Variants in MAP4K2 observed in about 807,000 individuals in gnomAD.
The protein encoded by MAP4K2 is B lymphocyte serine/threonine protein kinase.
In MAP4K2, 85 loss-of-function variants were observed where a neutral mutation model predicts 125.3. The ratio of observed to expected loss-of-function variants is 0.68; its 90% CI spans 0.57 to 0.81. MAP4K2 has a LOEUF of 0.81. Among genes scored for constraint, MAP4K2 ranks in the 40% least tolerant of loss-of-function variants. The pLI, the probability that MAP4K2 is intolerant of heterozygous loss-of-function variation, is 0.00. For synonymous variants in MAP4K2, 479 were observed against 445.1 expected, an observed-to-expected ratio of 1.08 and a Z score of -0.96; for missense variants, 923 against 1,056.4, an observed-to-expected ratio of 0.87 and a Z score of 1.75.
rs1941277496 is a variant in MAP4K2 at position 64,802,578 on chromosome 11, A to G, written c.230T>C (p.Ile77Thr). ...GCAGCCTCACCTGAGGTAGCTGCCA[A>G]TGTAGGCCACCACATTGGGGTGGCG... ...ECRHPNVVAYIGSYLRNDRLW... is the reference protein window; with the variant it reads ...ECRHPNVVAYTGSYLRNDRLW... Residue 77 changes from isoleucine (I) to threonine (T), a missense_variant, in exon 3 of 32, where the codon ATT (isoleucine) becomes ACT (threonine). Physicochemically the swap from Ile to Thr is moderately conservative, Grantham distance 89. Coordinates refer to ENST00000294066, the MANE Select transcript of MAP4K2 (RefSeq NM_004579.5). The G allele has an allele frequency of 6.2e-7, 1 of 1,610,326 alleles. No homozygotes were observed. The highest frequency in any genetic ancestry group is 2.2e-5 in the East Asian group (1 of 44,824).
chr11:64,791,838 C>CCT, intron 27 of MAP4K2, 71 bp downstream of exon 27: 1 of 1,428,810 alleles, frequency 7.0e-7, no homozygotes, highest in South Asian at 1.5e-5. Flanking sequence ...GAGCCTTGGC[C>CCT]CTCCCTGCCT....
Position 64,796,323 on chromosome 11 carries a change from C to G in MAP4K2, c.1701G>C (p.Gln567His). The change falls in exon 24 of 32, where the codon CAG (glutamine) becomes CAC (histidine). Residue 567 changes from glutamine (Q) to histidine (H), a missense_variant. By Grantham distance (24) the Gln-to-His change is conservative. Coordinates refer to ENST00000294066, the MANE Select transcript of MAP4K2 (RefSeq NM_004579.5). ...GGTTGGTGGGGATGGAGAGGGGAAC[C>G]TGTTGCTGTAGCCTCCGCTGCTCAA... ...GLFEQRRLQQQVPLSIPTNRL... is the reference protein window; with the variant it reads ...GLFEQRRLQQHVPLSIPTNRL... The G allele has an allele frequency of 1.3e-6, 2 of 1,551,882 alleles. No homozygotes were observed. Among genetic ancestry groups the G allele is most frequent in the Non-Finnish European group, 1.7e-6 (2 of 1,148,132 alleles).
chr11:64,790,438 T>C lies in MAP4K2; in HGVS notation c.2117A>G (p.Gln706Arg). The C allele has an allele frequency of 6.2e-7, 1 of 1,614,120 alleles. No individual in the cohort carries two copies. The highest frequency in any genetic ancestry group is 1.1e-5 in the South Asian group (1 of 91,086). Reference sequence around the variant, plus strand: ...TGTGTCCCTGTCCACCTGGATCACCTGCTGGGCCGAGCCTGGGATCCCCTC... The same window carrying C: ...TGTGTCCCTGTCCACCTGGATCACCCGCTGGGCCGAGCCTGGGATCCCCTC... ...PPEGIPGSAQQVIQVDRDTIL... is the reference protein window; with the variant it reads ...PPEGIPGSAQRVIQVDRDTIL... The change falls in exon 28 of 32, where the codon CAG becomes CGG. Residue 706 changes from glutamine to arginine, a missense_variant. By Grantham distance (43) the Gln-to-Arg change is conservative (BLOSUM62 1). Coordinates refer to ENST00000294066, the MANE Select transcript of MAP4K2 (RefSeq NM_004579.5).
chr11:64,802,231 G>T, intron 4 of MAP4K2, 110 bp from the exon 5 acceptor site: 2 of 1,141,416 alleles, frequency 1.8e-6, no homozygotes, highest in Non-Finnish European at 2.6e-6. Context: ...AGCGGTGTTG[G>T]CCACGTCCCC....
chr11:64,788,353 C>T lies in MAP4K2; in HGVS notation c.*1184G>A, dbSNP rs1460880706. ...GGCCCTCAAGGCAGTTCCCATCCTGCCTCCTGGGCTGCAGCTGCCCAAAGG... is the reference window on the plus strand; with the variant it reads ...GGCCCTCAAGGCAGTTCCCATCCTGTCTCCTGGGCTGCAGCTGCCCAAAGG... On this transcript the variant is annotated 3_prime_UTR_variant, in exon 32 of 32. Transcript: ENST00000294066. 1 of 151,960 alleles carries T rather than the reference C, an allele frequency of 6.6e-6. No individual in the cohort carries two copies. Among genetic ancestry groups the T allele is most frequent in the Non-Finnish European group, 1.5e-5 (1 of 67,984 alleles). The allele number at this position is 151,960 out of a possible 1,614,324, so 9.4% of individuals were successfully genotyped here.
chr11:64,797,329 G>A lies in MAP4K2; in HGVS notation c.1222C>T (p.Leu408=), dbSNP rs763379503. 9 of 1,601,450 alleles carry A rather than the reference G, an allele frequency of 5.6e-6. No individual in the cohort carries two copies. In the Admixed American group the frequency reaches 1.4e-4, roughly 25 times the overall value. ...TMGTIKRAPF[L]GPLPTDPPAE... The stretch of plus-strand genomic sequence containing the variant: ...GGAGGGTCAGTGGGGAGTGGCCCTA[G>A]GAACGGGGCCCGCTTGATGGTTCCC... The change falls in exon 18 of 32, where the codon CTA becomes TTA. Residue 408 remains leucine, a synonymous_variant. Coordinates refer to ENST00000294066, the MANE Select transcript of MAP4K2 (RefSeq NM_004579.5).
chr11:64,799,984 G>C (rs1941062601), intron 12 of MAP4K2, 125 bp downstream of exon 12: 1 of 797,544 alleles, frequency 1.3e-6, no homozygotes, highest in African/African-American at 1.7e-5. Context: ...CCTAATGGGA[G>C]GGCTCAGCTG....
At chr11:64,797,959 C>T (rs945991934) in intron 15 of MAP4K2, among the ~76,000 whole-genome samples, 1 of 151,462 alleles carries the variant, frequency 6.6e-6, no homozygotes, top group Non-Finnish European at 1.5e-5. Flanking sequence ...CCCACCTCGG[C>T]CTCCCAAAGT....
At chr11:64,799,956 G>A (rs1192078394) in intron 12 of MAP4K2, among the ~76,000 whole-genome samples, 153 bp downstream of exon 12, 1 of 152,214 alleles carries the variant, frequency 6.6e-6, no homozygotes, top group Non-Finnish European at 1.5e-5. Flanking sequence ...GGAAACAAAA[G>A]TCAGCATGAC....
Position 64,797,674 on chromosome 11 carries a change from G to A in MAP4K2, c.1098-10C>T, listed in dbSNP as rs1940902021. ...CGACTGCAGCAGGCTCCTGGGCAGT[G>A]GGGAAAAGGGGTCAGAGGTCAACCT... On this transcript the variant is annotated splice_polypyrimidine_tract_variant and intron_variant, in intron 15 of 31. Coordinates refer to ENST00000294066, the MANE Select transcript of MAP4K2 (RefSeq NM_004579.5). The A allele has an allele frequency of 3.3e-6, 5 of 1,529,800 alleles. No homozygotes were observed. Among genetic ancestry groups the A allele is most frequent in the Non-Finnish European group, 4.4e-6 (5 of 1,139,828 alleles). The allele number at this position is 1,529,800 out of a possible 1,614,324, so 94.8% of individuals were successfully genotyped here.
intron 27 of MAP4K2, among the ~76,000 whole-genome samples, 179 bp downstream of exon 27, chr11:64,791,730 C>T (rs747778618): frequency 6.6e-6 from 1 of 152,214 alleles, no homozygotes; most frequent in Non-Finnish European, 1.5e-5. Context: ...TATGGAAGCC[C>T]AGGTGAAGCT....
intron 24 of MAP4K2, among the ~76,000 whole-genome samples, chr11:64,795,402 C>CT (rs993963749): frequency 1.3e-5 from 2 of 150,490 alleles, no homozygotes; most frequent in African/African-American, 4.9e-5. Flanking sequence ...ATTTTTTGGG[C>CT]TTTTTTTCTT....
rs1940348952 is a variant in MAP4K2, at chr11:64,789,573, G to A, written c.2427C>T (p.Asn809=). 1.2e-6 allele frequency: 2 copies of A among 1,601,030 alleles called. No individual in the cohort carries two copies. Among genetic ancestry groups the A allele is most frequent in the Non-Finnish European group, 1.7e-6 (2 of 1,173,682 alleles). Residue 809 remains asparagine (N), a synonymous_variant, in exon 32 of 32, where the codon AAC becomes AAT. Transcript: ENST00000294066. ...TCTGGTGGCCCGTGAGGATGTAGAG[G>A]TTGCTGTGCGCCTCTGGGTTGTCAG... ...IPTDNPEAHS[N]LYILTGHQST...
At chr11:64,800,597 C>A (rs994039693) in intron 10 of MAP4K2, among the ~76,000 whole-genome samples, 167 bp downstream of exon 10, 1 of 152,264 alleles carries the variant, frequency 6.6e-6, no homozygotes, top group Non-Finnish European at 1.5e-5. Flanking sequence ...TTCCTGACCA[C>A]GCTGGGTCTT....
intron 4 of MAP4K2, 146 bp from the exon 5 acceptor site, chr11:64,802,267 C>A: frequency 9.3e-7 from 1 of 1,078,368 alleles, no homozygotes; most frequent in Non-Finnish European, 1.4e-6. Context: ...GGATACTGAA[C>A]CCAGAGATGG....
At chr11:64,796,579 TC>T in intron 22 of MAP4K2, 26 bp from the exon 23 acceptor site, 1 of 1,613,808 alleles carries the variant, frequency 6.2e-7, no homozygotes, top group East Asian at 2.2e-5. Flanking sequence ...GGACAGATGG[TC>T]AGCACCCCAG....
At position 64,797,003 on chromosome 11, in the gene MAP4K2, G is replaced by A. The variant is rs1297694412; in HGVS notation, c.1386C>T (p.Leu462=). ...TTACATGCACCTTGGGAGTTGGGGG[G>A]AGCCCGTGGCAGGATGACCTCTGGG... The part of the protein sequence containing the change: ...EDPERSSCHG[L]PPTPKVHMGA... The change falls in exon 20 of 32, where the codon CTC becomes CTT. Residue 462 remains leucine, a synonymous_variant. Coordinates refer to ENST00000294066, the MANE Select transcript of MAP4K2 (RefSeq NM_004579.5). The A allele has an allele frequency of 1.9e-6, 3 of 1,613,790 alleles. No homozygotes were observed. The highest frequency in any genetic ancestry group is 2.7e-5 in the African/African-American group (2 of 74,920).
Position 64,798,731 on chromosome 11 carries a change from G to A in MAP4K2, c.1097+63C>T, listed in dbSNP as rs535419677. 83 of 1,583,816 alleles carry A rather than the reference G, an allele frequency of 5.2e-5. No homozygotes were observed. In the South Asian group the frequency reaches 6.0e-4, roughly 11 times the overall value. On this transcript the variant is annotated intron_variant, in intron 15 of 31. Coordinates refer to ENST00000294066, the MANE Select transcript of MAP4K2 (RefSeq NM_004579.5). ...ATTACAGGCATGAGCCACCACGCCC[G>A]GTCAGAGGTCAGCCTTTCTGCCGCC...
Position 64,797,274 on chromosome 11 carries a change from C to T in MAP4K2, c.1276+1G>A. On this transcript the variant is annotated splice_donor_variant, in intron 18 of 31. Coordinates refer to ENST00000294066, the MANE Select transcript of MAP4K2 (RefSeq NM_004579.5). LOFTEE classifies it high-confidence loss of function. The stretch of plus-strand genomic sequence containing the variant: ...CCTGGCCTCCCAAGCCTGAGACTCA[C>T]CTGGGGGACTGGACAGAGGCTCCTC... The T allele has an allele frequency of 6.2e-7, 1 of 1,600,782 alleles. No homozygotes were observed. The highest frequency in any genetic ancestry group is 8.5e-7 in the Non-Finnish European group (1 of 1,173,786).
Sources: gnomAD v4.1 joint callset for allele counts (sites outside exome capture counted in the v4.1 genomes callset) on GRCh38, gnomAD v4.1.1 for gene constraint, MANE v1.5 for transcripts, NCBI Gene and HGNC (gene_info 2026-07-23, HGNC 2026-07-21) for gene names.